The following STRIP1 variants were observed in gnomAD, a reference collection of about 807,000 sequenced individuals.
The protein encoded by STRIP1 is striatin-interacting protein 1.
STRIP1 carries 63 observed loss-of-function variants against 106.2 expected under a neutral mutation model. The ratio of observed to expected loss-of-function variants is 0.59; its 90% CI spans 0.48 to 0.73. The LOEUF (loss-of-function observed/expected upper bound fraction) is 0.73, where lower values mean the gene tolerates loss of function less well. STRIP1 is among the 30% of genes least tolerant of loss of function. The probability of loss-of-function intolerance (pLI) is 0.00; values close to 1 mark genes in which losing one functional copy is unlikely to be tolerated. For missense variants in STRIP1, 857 were observed against 1,074.8 expected (o/e 0.80, Z 2.83); for synonymous variants, 390 against 413.0 (o/e 0.94, Z 0.67).
At chr1:110,044,455 T>C (rs908946656) in intron 10 of STRIP1, among the ~76,000 whole-genome samples, 2 of 152,328 alleles carry the variant, frequency 1.3e-5, no homozygotes, top group Admixed American at 1.3e-4. Flanking sequence ...ATGCTGATTG[T>C]TTGGGATAGG....
rs565202683 is a variant in STRIP1 at position 110,039,781 on chromosome 1, C to T, written c.581+266C>T. ...CCCTGCCCAGGCCTGGGGTGCTCCT[C>T]AGAAGGAGACTCTTCACTTTGAGCT... On this transcript the variant is annotated intron_variant, in intron 5 of 20. Coordinates refer to ENST00000369795, the MANE Select transcript of STRIP1 (RefSeq NM_033088.4). 21 of 1,338,708 alleles carry T rather than the reference C, an allele frequency of 1.6e-5. No homozygotes were observed. The South Asian group carries it at 1.6e-4, about 10-fold the overall frequency. The allele number at this position is 1,338,708 out of a possible 1,614,324, so 82.9% of individuals were successfully genotyped here. A position where few individuals can be genotyped will look rare whatever the true frequency, so the allele number is the denominator to read the frequency against.
chr1:110,036,886 C>T (rs185696935), intron 1 of STRIP1, among the ~76,000 whole-genome samples: 18 of 152,208 alleles, frequency 1.2e-4, no homozygotes, highest in South Asian at 2.1e-4. Context: ...TGTAGTGGCG[C>T]GATCTTGGCT....
chr1:110,043,678 C>T lies in STRIP1; in HGVS notation c.1108C>T (p.Arg370Trp), dbSNP rs762351041. The T allele has an allele frequency of 5.0e-6, 8 of 1,614,032 alleles. No individual in the cohort carries two copies. Among genetic ancestry groups the T allele is most frequent in the Admixed American group, 1.7e-5 (1 of 59,992 alleles). The change falls in exon 10 of 21, where the codon CGG (arginine) becomes TGG (tryptophan). Residue 370 changes from arginine (R) to tryptophan (W), a missense_variant. Coordinates refer to ENST00000369795, the MANE Select transcript of STRIP1 (RefSeq NM_033088.4). ...KQDNLDAFNERDPYKADDSRE... is the reference protein window; with the variant it reads ...KQDNLDAFNEWDPYKADDSRE... ...GGACAACCTAGATGCCTTCAACGAG[C>T]GGGATCCCTACAAGGCTGATGACTC... is the stretch of plus-strand genomic sequence containing the variant.
In STRIP1 at chr1:110,049,124, G is replaced by C. The variant is rs774200840; in HGVS notation, c.1674G>C (p.Leu558Phe). ...ATTATGTTTCCAGCACCACAGTGTT[G>C]CAGAGCATGAAGCTGGGGGTGGATG... ...VLPEEMPTTV[L>F]QSMKLGVDVN... Residue 558 changes from leucine to phenylalanine, a missense_variant, in exon 16 of 21, where the codon TTG becomes TTC. Physicochemically the swap from Leu to Phe is conservative, Grantham distance 22. Transcript: ENST00000369795. The C allele has an allele frequency of 6.2e-7, 1 of 1,614,166 alleles. No homozygotes were observed. The highest frequency in any genetic ancestry group is 2.2e-5 in the East Asian group (1 of 44,892).
At chr1:110,043,388 C>A in intron 9 of STRIP1, 118 bp downstream of exon 9, 1 of 1,095,692 alleles carries the variant, frequency 9.1e-7, no homozygotes, top group Non-Finnish European at 1.3e-6. Flanking sequence ...CAGTCAGAAT[C>A]ATGCCTCCAC....
chr1:110,041,992 G>T lies in STRIP1; in HGVS notation c.885+131G>T, dbSNP rs1156250895. ...TTTGGTAAAAAAAATTATTTAAAAA[G>T]CTGCTAAAAGGAGATGACAAAAGAA... On this transcript the variant is annotated intron_variant, in intron 8 of 20. Transcript: ENST00000369795. The T allele has an allele frequency of 4.0e-5, 45 of 1,112,016 alleles. No homozygotes were observed. The East Asian group carries it at 1.1e-3, about 26-fold the overall frequency. The allele number at this position is 1,112,016 out of a possible 1,614,324, so 68.9% of individuals were successfully genotyped here. A position where few individuals can be genotyped will look rare whatever the true frequency, so the allele number is the denominator to read the frequency against.
rs371099476 is a variant in STRIP1 at position 110,043,796 on chromosome 1, A to G, written c.1226A>G (p.Gln409Arg). The G allele has an allele frequency of 6.2e-7, 1 of 1,614,168 alleles. No homozygotes were observed. The highest frequency in any genetic ancestry group is 8.5e-7 in the Non-Finnish European group (1 of 1,180,014). Residue 409 changes from glutamine (Q) to arginine (R), a missense_variant, in exon 10 of 21, where the codon CAG becomes CGG. Coordinates refer to ENST00000369795, the MANE Select transcript of STRIP1 (RefSeq NM_033088.4). Reference protein sequence around the residue: ...ERDEVMPPPLQHPQTDRLTCP... With the variant: ...ERDEVMPPPLRHPQTDRLTCP... ...GATGAAGTGATGCCTCCCCCGCTAC[A>G]GCACCCACAGACTGACAGGCTGACT...
At chr1:110,033,191 CTTATAT>C (rs2101758478), upstream of STRIP1, among the ~76,000 whole-genome samples, 1 of 152,306 alleles carries the variant, frequency 6.6e-6, no homozygotes, top group Admixed American at 6.5e-5. Context: ...GGGCAGCATG[CTTATAT>C]TATAGCCACA....
At chr1:110,043,553 C>G (rs1314939846) in intron 9 of STRIP1, 86 bp from the exon 10 acceptor site, 2 of 1,207,982 alleles carry the variant, frequency 1.7e-6, no homozygotes, top group Non-Finnish European at 2.4e-6. Context: ...TACTGGACAC[C>G]TGTATGTGCT....
chr1:110,045,682 A>T (rs533264524), intron 12 of STRIP1, among the ~76,000 whole-genome samples: 1 of 152,240 alleles, frequency 6.6e-6, no homozygotes, highest in South Asian at 2.1e-4. Context: ...GTAGTGTCCT[A>T]ATACGTTGTT....
chr1:110,046,967 G>A (rs577537764), intron 13 of STRIP1, among the ~76,000 whole-genome samples: 10 of 151,942 alleles, frequency 6.6e-5, no homozygotes, highest in Middle Eastern at 3.4e-3. Flanking sequence ...GAAGAATGAC[G>A]TGAACCCGGG....
At chr1:110,039,931 T>G (rs1054019594) in intron 5 of STRIP1, 3 of 1,289,534 alleles carry the variant, frequency 2.3e-6, no homozygotes, top group Non-Finnish European at 3.0e-6. Context: ...CTTTGTCCAG[T>G]GGACAGGTCA....
chr1:110,035,253 G>T (rs1434172809), intron 1 of STRIP1, among the ~76,000 whole-genome samples: 1 of 152,244 alleles, frequency 6.6e-6, no homozygotes, highest in Non-Finnish European at 1.5e-5. Context: ...CCTGCCGCTC[G>T]CAGAGGAAGG....
chr1:110,050,209 G>A lies in STRIP1; in HGVS notation c.1890-134G>A, dbSNP rs1653227643. 5 of 768,334 alleles carry A rather than the reference G, an allele frequency of 6.5e-6. No individual in the cohort carries two copies. The East Asian group carries it at 1.3e-4, about 20-fold the overall frequency. The allele number at this position is 768,334 out of a possible 1,614,324, so 47.6% of individuals were successfully genotyped here. A position where few individuals can be genotyped will look rare whatever the true frequency, so the allele number is the denominator to read the frequency against. ...CTTATAGGTGGGGAAACTGGGGTGG[G>A]ACACATCAGGTAGATTCCTACTTCT... On this transcript the variant is annotated intron_variant, in intron 17 of 20. Coordinates refer to ENST00000369795, the MANE Select transcript of STRIP1 (RefSeq NM_033088.4).
chr1:110,048,660 C>G (rs1292679263), intron 15 of STRIP1, among the ~76,000 whole-genome samples: 1 of 152,240 alleles, frequency 6.6e-6, no homozygotes, highest in Admixed American at 6.5e-5. Flanking sequence ...ATTCCTCTTA[C>G]AAAGATGTAC....
Position 110,044,814 on chromosome 1 carries a change from TTC to T in STRIP1, c.1287-20_1287-19del, listed in dbSNP as rs201177232. On this transcript the variant is annotated intron_variant, in intron 10 of 20. Transcript: ENST00000369795. ...AGCATTTGCTAAAAACCTTTTTTCT[TTC>T]TCTCTTTTTTGGTGATGTGGCAGAG... The T allele has an allele frequency of 8.5e-3, 13,749 of 1,612,808 alleles. 264 individuals are homozygous for T. The highest frequency in any genetic ancestry group is 0.053 in the African/African-American group (4,004 of 74,936).
At chr1:110,041,925 G>C in intron 8 of STRIP1, 64 bp downstream of exon 8, 2 of 1,504,340 alleles carry the variant, frequency 1.3e-6, no homozygotes, top group Non-Finnish European at 1.8e-6. Flanking sequence ...ACTGTTCCTT[G>C]AATATCCTTT....
At position 110,054,177 on chromosome 1, in the gene STRIP1, T is replaced by C; in HGVS notation, c.*265T>C. Reference sequence around the variant, plus strand: ...CCTCCTCTCTTGGATATGGTTGGTTTTGGCTCATTTCACAATCAGCCCAAG... The same window carrying C: ...CCTCCTCTCTTGGATATGGTTGGTTCTGGCTCATTTCACAATCAGCCCAAG... On this transcript the variant is annotated 3_prime_UTR_variant, in exon 21 of 21. Coordinates refer to ENST00000369795, the MANE Select transcript of STRIP1 (RefSeq NM_033088.4). 2.2e-6 allele frequency: 1 copy of C among 464,032 alleles called. No individual in the cohort carries two copies. Among genetic ancestry groups the C allele is most frequent in the South Asian group, 2.4e-5 (1 of 42,248 alleles). 28.7% of individuals were successfully genotyped at this position (464,032 alleles called of 1,614,324 possible). A position where few individuals can be genotyped will look rare whatever the true frequency, so the allele number is the denominator to read the frequency against.
chr1:110,034,598 G>T, upstream of STRIP1: 1 of 1,472,088 alleles, frequency 6.8e-7, no homozygotes, highest in South Asian at 1.4e-5. Flanking sequence ...GCATCACGGC[G>T]GCTGTGCGCG....
Sources: allele counts gnomAD v4.1 joint callset (sites outside exome capture counted in the v4.1 genomes callset), GRCh38; gene constraint gnomAD v4.1.1; transcripts MANE v1.5; gene names NCBI Gene and HGNC (gene_info 2026-07-23, HGNC 2026-07-21).